Variants in GRIK4 observed in about 807,000 individuals in gnomAD.
GRIK4 encodes the protein glutamate receptor ionotropic, kainate 4.
In GRIK4, 40 loss-of-function variants were observed where a neutral mutation model predicts 104.9. The ratio of observed to expected loss-of-function variants is 0.38; its 90% CI spans 0.30 to 0.50. The LOEUF (loss-of-function observed/expected upper bound fraction) is 0.50. Ranked by LOEUF, GRIK4 falls within the 20% of genes least tolerant of loss-of-function variation. The probability of loss-of-function intolerance (pLI) is 0.93; values close to 1 mark genes in which losing one functional copy is unlikely to be tolerated. For synonymous variants in GRIK4, 485 were observed against 524.9 expected (o/e 0.92, Z 1.04); for missense variants, 1,047 against 1,308.1 (o/e 0.80, Z 3.08).
intron 3 of GRIK4, among the ~76,000 whole-genome samples, chr11:120,735,247 T>G (rs1951200252): frequency 6.6e-6 from 1 of 152,202 alleles, no homozygotes; most frequent in Non-Finnish European, 1.5e-5. Flanking sequence ...TCAAAGGGAC[T>G]TGGGCCCCAA....
At chr11:120,868,106 T>A (rs540751929) in intron 9 of GRIK4, 118 of 152,130 alleles carry the variant, frequency 7.8e-4, no homozygotes, top group African/African-American at 2.7e-3. Context: ...ATCTGGGGCA[T>A]GGAGAGAGAT....
chr11:120,787,499 G>A (rs934228380), intron 3 of GRIK4, among the ~76,000 whole-genome samples: 1 of 151,262 alleles, frequency 6.6e-6, no homozygotes. Flanking sequence ...GAGTCTGGCT[G>A]TGTCACCCAG....
chr11:120,744,127 TAG>T (rs1951390994), intron 3 of GRIK4, among the ~76,000 whole-genome samples: 1 of 152,154 alleles, frequency 6.6e-6, no homozygotes, highest in Non-Finnish European at 1.5e-5. Flanking sequence ...TTTGCAGTGA[TAG>T]AGTCTTTTAG....
intron 8 of GRIK4, among the ~76,000 whole-genome samples, chr11:120,856,088 G>A (rs767323034): frequency 1.3e-5 from 2 of 152,200 alleles, no homozygotes; most frequent in Admixed American, 6.5e-5. Context: ...TTGGACAGAA[G>A]AGGACTCCCA....
At chr11:120,575,299 T>C (rs1948467414) in intron 1 of GRIK4, among the ~76,000 whole-genome samples, 1 of 152,158 alleles carries the variant, frequency 6.6e-6, no homozygotes, top group South Asian at 2.1e-4. Flanking sequence ...TATCTTTCCA[T>C]TTATCATCTC....
chr11:120,746,724 C>T (rs1349226597), intron 3 of GRIK4, among the ~76,000 whole-genome samples: 4 of 152,196 alleles, frequency 2.6e-5, no homozygotes, highest in Non-Finnish European at 5.9e-5. Flanking sequence ...CATTGGATGG[C>T]AATGTCTCTC....
intron 5 of GRIK4, 49 bp downstream of exon 5, chr11:120,815,524 C>T (rs2135534448): frequency 8.8e-7 from 1 of 1,133,058 alleles, no homozygotes; most frequent in Non-Finnish European, 1.3e-6. Context: ...GAGCCTGTGC[C>T]CAGGGTCCAA....
intron 13 of GRIK4, among the ~76,000 whole-genome samples, chr11:120,923,665 G>T (rs575881814): frequency 6.6e-6 from 1 of 151,926 alleles, no homozygotes; most frequent in South Asian, 2.1e-4. Flanking sequence ...CGCCCGGCTC[G>T]GCCTCCCAAA....
intron 4 of GRIK4, among the ~76,000 whole-genome samples, chr11:120,814,502 G>A (rs1952892555): frequency 6.6e-6 from 1 of 152,216 alleles, no homozygotes; most frequent in African/African-American, 2.4e-5. Context: ...CCTGAGGCAG[G>A]AGAATTGCTT....
intron 3 of GRIK4, among the ~76,000 whole-genome samples, chr11:120,678,952 G>GTT (rs1950148319): frequency 6.7e-6 from 1 of 149,978 alleles, no homozygotes; most frequent in Non-Finnish European, 1.5e-5. Flanking sequence ...TTTTTTGTTT[G>GTT]TTTGTTTTTG....
chr11:120,773,536 A>C (rs1407319693), intron 3 of GRIK4, among the ~76,000 whole-genome samples: 1 of 152,192 alleles, frequency 6.6e-6, no homozygotes, highest in Non-Finnish European at 1.5e-5. Context: ...GGCAGCCTGG[A>C]GTGGGGAAGT....
chr11:120,960,879 A>G lies in GRIK4; in HGVS notation c.1875-30A>G, dbSNP rs550448777. The G allele has an allele frequency of 9.4e-6, 15 of 1,598,512 alleles. No individual in the cohort carries two copies. The African/African-American group carries it at 1.5e-4, about 16-fold the overall frequency. On this transcript the variant is annotated intron_variant, in intron 16 of 20. Coordinates refer to ENST00000527524, the MANE Select transcript of GRIK4 (RefSeq NM_014619.5). Reference sequence around the variant, plus strand: ...CAAGACTCCAGGGAGTGCCCGGGCAATGATGACTTCCTCGTCTTTTCCTAC... The same window carrying G: ...CAAGACTCCAGGGAGTGCCCGGGCAGTGATGACTTCCTCGTCTTTTCCTAC...
At chr11:120,806,741 G>C (rs899766901) in intron 4 of GRIK4, among the ~76,000 whole-genome samples, 1 of 152,202 alleles carries the variant, frequency 6.6e-6, no homozygotes, top group Non-Finnish European at 1.5e-5. Context: ...TCAGTTGAGG[G>C]AAGCAATGGT....
rs1475998069 is a variant in GRIK4, at chr11:120,580,675, C to G, written c.-159+68788C>G. On this transcript the variant is annotated intron_variant, in intron 1 of 20. Transcript: ENST00000527524. ...CCTCTGCCTCCTAGGGTGTAGCGATCCTACTGCCTCAGCCTCCCCGGTAGC... is the reference window on the plus strand; with the variant it reads ...CCTCTGCCTCCTAGGGTGTAGCGATGCTACTGCCTCAGCCTCCCCGGTAGC... Among the ~76,000 whole-genome samples the G allele has an allele frequency of 2.0e-5, 3 of 151,944 alleles. No individual in the cohort carries two copies. The East Asian group carries it at 5.8e-4, about 29-fold the overall frequency.
intron 1 of GRIK4, among the ~76,000 whole-genome samples, chr11:120,630,794 C>T (rs1243899006): frequency 6.6e-6 from 1 of 152,266 alleles, no homozygotes; most frequent in Admixed American, 6.5e-5. Context: ...GGAAAGTTCG[C>T]TAACCAGGGT....
rs112467423 is a variant in GRIK4, at chr11:120,660,373, G to A, written c.55G>A (p.Ala19Thr). 1.4e-4 allele frequency: 226 copies of A among 1,613,038 alleles called. No homozygotes were observed. Among genetic ancestry groups the A allele is most frequent in the Non-Finnish European group, 1.7e-4 (198 of 1,179,886 alleles). ...GCTTCCTGCGTGGCTCGTGATGGTC[G>A]CCTGCAGCCCGCACTCCTTGAGGAT... The part of the protein sequence containing the change: ...VLLPAWLVMV[A>T]CSPHSLRIAA... Residue 19 changes from alanine (A) to threonine (T), a missense_variant, in exon 3 of 21, where the codon GCC becomes ACC. Transcript: ENST00000527524.
Position 120,513,837 on chromosome 11 carries a change from C to A in GRIK4, c.-159+1950C>A, listed in dbSNP as rs1947690112. On this transcript the variant is annotated intron_variant, in intron 1 of 20. Transcript: ENST00000527524. This position sits in a 1 kb window ranked among gnomAD's most constrained non-coding sequence, Gnocchi z 4.5. ...TCTTGGTTTTCTGTGTTTTTCCCAT[C>A]CCCCTACCTGGGCATCTTGATCGGT... 6.6e-6 allele frequency among the ~76,000 whole-genome samples: 1 copy of A among 152,156 alleles called. No individual in the cohort carries two copies. Among genetic ancestry groups the A allele is most frequent in the Non-Finnish European group, 1.5e-5 (1 of 68,028 alleles).
chr11:120,628,153 G>T (rs571174564), intron 1 of GRIK4, among the ~76,000 whole-genome samples: 12 of 152,274 alleles, frequency 7.9e-5, no homozygotes, highest in Middle Eastern at 3.4e-3. Context: ...TATCCAGATG[G>T]CTCAAATGGG....
chr11:120,687,028 A>G (rs570738833), intron 3 of GRIK4, among the ~76,000 whole-genome samples: 4 of 152,372 alleles, frequency 2.6e-5, no homozygotes, highest in African/African-American at 7.2e-5. Flanking sequence ...CTGGTGATGG[A>G]GCAGAAGCAC....
Sources: allele counts gnomAD v4.1 joint callset (sites outside exome capture counted in the v4.1 genomes callset), GRCh38; gene constraint gnomAD v4.1.1; non-coding constraint Gnocchi (gnomAD v3.1); transcripts MANE v1.5; gene names NCBI Gene and HGNC (gene_info 2026-07-23, HGNC 2026-07-21).